Variants in PRKCB observed in about 807,000 individuals in gnomAD.
PRKCB encodes the protein protein kinase C beta type.
Under a neutral mutation model 81.5 loss-of-function variants are expected in PRKCB, and 13 were observed. That is an observed-to-expected ratio of 0.16 (90% CI 0.10 to 0.25). The LOEUF is 0.25. Among genes scored for constraint, PRKCB ranks in the 10% least tolerant of loss-of-function variants. PRKCB has a pLI of 1.00. For missense variants in PRKCB, 509 were observed against 875.7 expected (o/e 0.58, Z 5.29); for synonymous variants, 335 against 321.4 (o/e 1.04, Z -0.45).
intron 3 of PRKCB, among the ~76,000 whole-genome samples, chr16:24,031,065 T>TA (rs568852713): frequency 1.6e-4 from 24 of 152,124 alleles, no homozygotes; most frequent in African/African-American, 5.1e-4. Flanking sequence ...CCATGTCTCT[T>TA]AAAAAACAAA....
intron 2 of PRKCB, among the ~76,000 whole-genome samples, chr16:23,875,500 TA>T (rs1567298268): frequency 0.1 from 8,203 of 81,398 alleles, 786 homozygotes; most frequent in African/African-American, 0.18. Context: ...TATATATATA[TA>T]TATATGATGT....
chr16:23,923,074 C>A (rs1055525457), intron 2 of PRKCB, among the ~76,000 whole-genome samples: 3 of 152,038 alleles, frequency 2.0e-5, no homozygotes, highest in Non-Finnish European at 4.4e-5. Flanking sequence ...CAGGTTGGGA[C>A]AGAACCTTAA....
At chr16:23,929,703 T>C (rs1474286985) in intron 2 of PRKCB, among the ~76,000 whole-genome samples, 1 of 152,168 alleles carries the variant, frequency 6.6e-6, no homozygotes, top group African/African-American at 2.4e-5. Flanking sequence ...TGGAGAAATA[T>C]TTCTTGGGCA....
At chr16:24,092,217 A>G (rs895399026) in intron 5 of PRKCB, among the ~76,000 whole-genome samples, 1 of 152,116 alleles carries the variant, frequency 6.6e-6, no homozygotes, top group African/African-American at 2.4e-5. Context: ...ATAGTAGTCT[A>G]CTTTCTGTCT....
chr16:24,058,420 T>TA lies in PRKCB; in HGVS notation c.529+22884dup, dbSNP rs958834862. Among the ~76,000 whole-genome samples, 442 of 145,772 alleles carry TA rather than the reference T, an allele frequency of 3.0e-3. 1 individual carries two copies. The highest frequency in any genetic ancestry group is 7.9e-3 in the African/African-American group (317 of 39,942). On this transcript the variant is annotated intron_variant, in intron 5 of 16. Transcript: ENST00000643927. ...TTGCTGAGTAAATGGCTAAATAGGTTAAAAAAAAAAACCAAAAACGGTGGG... is the reference window on the plus strand; with the variant it reads ...TTGCTGAGTAAATGGCTAAATAGGTTAAAAAAAAAAAACCAAAAACGGTGGG...
At chr16:24,214,016 G>T (rs1231362148) in intron 16 of PRKCB, among the ~76,000 whole-genome samples, 1 of 152,218 alleles carries the variant, frequency 6.6e-6, no homozygotes, top group African/African-American at 2.4e-5. Flanking sequence ...CCTTGCATTT[G>T]ATGTTCAGTG....
chr16:23,887,294 T>C (rs535868203), intron 2 of PRKCB, among the ~76,000 whole-genome samples: 9 of 152,314 alleles, frequency 5.9e-5, no homozygotes, highest in African/African-American at 2.2e-4. Context: ...ATGAACTTGT[T>C]ACCCAAATAG....
chr16:23,879,626 T>A (rs1963074204), intron 2 of PRKCB, among the ~76,000 whole-genome samples: 1 of 151,488 alleles, frequency 6.6e-6, no homozygotes, highest in East Asian at 1.9e-4. Context: ...CCCGAGTAGC[T>A]GGGATTACAG....
intron 5 of PRKCB, among the ~76,000 whole-genome samples, chr16:24,084,052 GT>G (rs1460311027): frequency 6.6e-6 from 1 of 152,120 alleles, no homozygotes; most frequent in African/African-American, 2.4e-5. Context: ...TGTAGAAGCA[GT>G]AGATAGAGGA....
chr16:23,920,690 C>G (rs901465064), intron 2 of PRKCB, among the ~76,000 whole-genome samples: 1 of 152,068 alleles, frequency 6.6e-6, no homozygotes, highest in African/African-American at 2.4e-5. Flanking sequence ...GTGGGTGAGA[C>G]AGGCTGCTCA....
chr16:23,887,522 A>G (rs977439975), intron 2 of PRKCB, among the ~76,000 whole-genome samples: 5 of 152,056 alleles, frequency 3.3e-5, no homozygotes, highest in African/African-American at 9.7e-5. Context: ...TGCAAAGGAC[A>G]TGATTTCATT....
chr16:24,195,787 G>A (rs1371418427), intron 16 of PRKCB, among the ~76,000 whole-genome samples: 1 of 152,142 alleles, frequency 6.6e-6, no homozygotes, highest in Non-Finnish European at 1.5e-5. Flanking sequence ...GGCATATATG[G>A]CTTTTGAGGT....
At chr16:23,957,866 CT>C (rs1964370801) in intron 2 of PRKCB, among the ~76,000 whole-genome samples, 1 of 152,152 alleles carries the variant, frequency 6.6e-6, no homozygotes, top group Non-Finnish European at 1.5e-5. Flanking sequence ...CTCTGACTTC[CT>C]AGCTCAATAA....
intron 2 of PRKCB, among the ~76,000 whole-genome samples, chr16:23,923,292 T>C (rs532342765): frequency 6.6e-6 from 1 of 151,954 alleles, no homozygotes; most frequent in Non-Finnish European, 1.5e-5. Flanking sequence ...TCTGCTTATG[T>C]ATTGGCTCCC....
At chr16:23,999,218 G>C (rs1192721647) in intron 3 of PRKCB, among the ~76,000 whole-genome samples, 1 of 152,194 alleles carries the variant, frequency 6.6e-6, no homozygotes. Flanking sequence ...CCTTCTGCAT[G>C]ACCTTGGAGG....
chr16:23,913,577 A>G (rs956639586), intron 2 of PRKCB, among the ~76,000 whole-genome samples: 3 of 152,232 alleles, frequency 2.0e-5, no homozygotes, highest in African/African-American at 7.2e-5. Context: ...GGAGGAGAAT[A>G]ATGTGACAAA....
chr16:24,118,546 C>G (rs187423604), intron 8 of PRKCB, among the ~76,000 whole-genome samples: 52 of 152,282 alleles, frequency 3.4e-4, no homozygotes, highest in Non-Finnish European at 1.5e-5. Flanking sequence ...GCAGAGGAAT[C>G]TGCAGTTTTA....
At chr16:23,873,261 T>G (rs1962942072) in intron 2 of PRKCB, among the ~76,000 whole-genome samples, 1 of 149,546 alleles carries the variant, frequency 6.7e-6, no homozygotes, top group East Asian at 2.0e-4. Flanking sequence ...TCCCAGCTAC[T>G]TGGGAGGAGA....
intron 11 of PRKCB, among the ~76,000 whole-genome samples, chr16:24,173,884 T>C (rs995476254): frequency 1.3e-5 from 2 of 152,246 alleles, no homozygotes; most frequent in African/African-American, 2.4e-5. Flanking sequence ...CCTTACAGGA[T>C]TGTTATTAGG....
Sources: gnomAD v4.1 joint callset for allele counts (sites outside exome capture counted in the v4.1 genomes callset) on GRCh38, gnomAD v4.1.1 for gene constraint, MANE v1.5 for transcripts, NCBI Gene and HGNC (gene_info 2026-07-23, HGNC 2026-07-21) for gene names.